The following PTK2 variants were observed in gnomAD, a reference collection of about 807,000 sequenced individuals.
PTK2 encodes focal adhesion kinase 1.
PTK2 carries 45 observed loss-of-function variants against 150.1 expected under a neutral mutation model. The ratio of observed to expected loss-of-function variants is 0.30; its 90% confidence interval spans 0.24 to 0.38. The LOEUF (loss-of-function observed/expected upper bound fraction) is 0.38, where lower values mean the gene tolerates loss of function less well. PTK2 is among the 10% of genes least tolerant of loss of function. PTK2 has a pLI of 1.00. For missense variants in PTK2, 919 were observed against 1,307.3 expected (o/e 0.70, Z 4.58); for synonymous variants, 432 against 449.2 (o/e 0.96, Z 0.48).
At chr8:140,927,300 T>A (rs528912371) in intron 1 of PTK2, 1 of 152,180 alleles carries the variant, frequency 6.6e-6, no homozygotes, top group Non-Finnish European at 1.5e-5. Context: ...CACCATCAAT[T>A]TTTTTTACCC....
At chr8:140,993,256 G>A (rs567137713) in intron 1 of PTK2, among the ~76,000 whole-genome samples, 7 of 152,192 alleles carry the variant, frequency 4.6e-5, no homozygotes, top group South Asian at 2.1e-4. Context: ...CAGATGATCC[G>A]CTGGCCTCTG....
chr8:140,836,111 C>G (rs1234462261), intron 7 of PTK2, among the ~76,000 whole-genome samples: 1 of 152,036 alleles, frequency 6.6e-6, no homozygotes, highest in Non-Finnish European at 1.5e-5. Context: ...AAAATGTATG[C>G]TTACATTTAT....
chr8:140,965,465 T>C (rs912669102), intron 1 of PTK2, among the ~76,000 whole-genome samples: 2 of 152,140 alleles, frequency 1.3e-5, no homozygotes, highest in African/African-American at 4.8e-5. Context: ...CACAAGGTAT[T>C]GGACATGCAC....
At chr8:140,783,809 A>G (rs2100083226) in intron 14 of PTK2, among the ~76,000 whole-genome samples, 1 of 152,222 alleles carries the variant, frequency 6.6e-6, no homozygotes, top group Admixed American at 6.5e-5. Context: ...AAACAACTGA[A>G]CCAAAATAAT....
At chr8:140,775,558 GT>G (rs2100077937) in intron 14 of PTK2, among the ~76,000 whole-genome samples, 1 of 152,066 alleles carries the variant, frequency 6.6e-6, no homozygotes, top group Admixed American at 6.6e-5. Flanking sequence ...GCCCATGCTG[GT>G]CTCTAACTCC....
At chr8:140,949,257 T>C (rs765565304) in intron 1 of PTK2, among the ~76,000 whole-genome samples, 6 of 152,360 alleles carry the variant, frequency 3.9e-5, no homozygotes, top group Non-Finnish European at 5.9e-5. Context: ...GTTTATATTC[T>C]CAATAAGGCT....
intron 14 of PTK2, among the ~76,000 whole-genome samples, chr8:140,784,214 A>G (rs1444538519): frequency 6.6e-6 from 1 of 152,256 alleles, no homozygotes; most frequent in Non-Finnish European, 1.5e-5. Flanking sequence ...CTTAGAGACA[A>G]TCAAACCAAG....
intron 14 of PTK2, among the ~76,000 whole-genome samples, chr8:140,784,229 T>C (rs1425473397): frequency 6.6e-6 from 1 of 152,122 alleles, no homozygotes; most frequent in Non-Finnish European, 1.5e-5. Context: ...ACCAAGCATT[T>C]GAAAAAGATC....
intron 20 of PTK2, among the ~76,000 whole-genome samples, chr8:140,743,013 T>C (rs1319252799): frequency 1.3e-5 from 2 of 152,254 alleles, no homozygotes; most frequent in Non-Finnish European, 2.9e-5. Context: ...CATTCTGAGT[T>C]AATCTGAAAT....
intron 11 of PTK2, among the ~76,000 whole-genome samples, chr8:140,802,551 T>C (rs1275887880): frequency 6.6e-6 from 1 of 152,240 alleles, no homozygotes; most frequent in African/African-American, 2.4e-5. Flanking sequence ...ACAGTGTTTA[T>C]AGTCTACAGC....
intron 2 of PTK2, among the ~76,000 whole-genome samples, chr8:140,921,730 T>C (rs1470977919): frequency 6.6e-6 from 1 of 152,214 alleles, no homozygotes; most frequent in African/African-American, 2.4e-5. Flanking sequence ...AGAGGCATGA[T>C]TTCCTTTCTT....
chr8:140,995,098 AAG>A (rs1491030257), intron 1 of PTK2, among the ~76,000 whole-genome samples: 2 of 151,328 alleles, frequency 1.3e-5, no homozygotes, highest in African/African-American at 2.4e-5. Context: ...AAAAAAAAAA[AAG>A]GACGGGCACG....
At chr8:140,937,282 T>C (rs961101632) in intron 1 of PTK2, among the ~76,000 whole-genome samples, 17 of 152,208 alleles carry the variant, frequency 1.1e-4, no homozygotes, top group African/African-American at 4.1e-4. Context: ...CATACTTTTA[T>C]ACTTACTTCC....
chr8:140,923,504 T>C (rs2100168308), intron 2 of PTK2, among the ~76,000 whole-genome samples: 1 of 152,234 alleles, frequency 6.6e-6, no homozygotes, highest in Non-Finnish European at 1.5e-5. Context: ...AGTTTGGTGA[T>C]ACAGAGTTTT....
At chr8:140,967,701 G>A (rs1449973971) in intron 1 of PTK2, among the ~76,000 whole-genome samples, 1 of 151,926 alleles carries the variant, frequency 6.6e-6, no homozygotes, top group Admixed American at 6.6e-5. Flanking sequence ...CTCGTGATCT[G>A]CCCGCCTCGG....
At chr8:140,744,069 G>A (rs1378471908) in intron 19 of PTK2, among the ~76,000 whole-genome samples, 2 of 125,306 alleles carry the variant, frequency 1.6e-5, no homozygotes, top group South Asian at 2.5e-4. Flanking sequence ...GAGCCACCGC[G>A]CCCGGCCTAT....
intron 10 of PTK2, among the ~76,000 whole-genome samples, chr8:140,817,334 A>C (rs549409003): frequency 2.0e-5 from 3 of 152,342 alleles, no homozygotes; most frequent in East Asian, 1.9e-4. Context: ...ACCAGAGTAC[A>C]CTTGGAAAAA....
chr8:140,955,534 T>G (rs558902474), intron 1 of PTK2, among the ~76,000 whole-genome samples: 32 of 152,206 alleles, frequency 2.1e-4, no homozygotes, highest in African/African-American at 6.7e-4. Flanking sequence ...ACAGACATAT[T>G]AAAAAGATAA....
At chr8:140,875,408 T>C (rs1314780591) in intron 4 of PTK2, among the ~76,000 whole-genome samples, 2 of 152,158 alleles carry the variant, frequency 1.3e-5, no homozygotes, top group African/African-American at 4.8e-5. Flanking sequence ...GAAAGAACTC[T>C]AAAATATATT....
Sources: allele counts gnomAD v4.1 joint callset (sites outside exome capture counted in the v4.1 genomes callset), GRCh38; gene constraint gnomAD v4.1.1; transcripts MANE v1.5; gene names NCBI Gene and HGNC (gene_info 2026-07-23, HGNC 2026-07-21).